WWOX: variants seen among roughly 807,000 people sequenced by gnomAD.
The protein encoded by WWOX is WW domain-containing oxidoreductase.
In WWOX, 69 loss-of-function variants were observed where a neutral mutation model predicts 46.2. That is an observed-to-expected ratio of 1.49 (90% CI 1.23 to 1.82). The LOEUF (loss-of-function observed/expected upper bound fraction) is 1.82. Among genes scored for constraint, WWOX ranks in the 40% most tolerant of loss-of-function variants. The pLI is 0.00. For synonymous variants in WWOX, 359 were observed against 202.6 expected, an observed-to-expected ratio of 1.77 and a Z score of -6.56; for missense variants, 919 against 542.6, an observed-to-expected ratio of 1.69 and a Z score of -6.89.
At chr16:78,170,163 T>C (rs1212597761) in intron 5 of WWOX, among the ~76,000 whole-genome samples, 3 of 152,158 alleles carry the variant, frequency 2.0e-5, no homozygotes, top group Non-Finnish European at 2.9e-5. Context: ...GCCAGATGTC[T>C]CTTGGGGGTG....
At chr16:78,716,925 G>T (rs994296188) in intron 8 of WWOX, among the ~76,000 whole-genome samples, 2 of 152,212 alleles carry the variant, frequency 1.3e-5, no homozygotes, top group South Asian at 2.1e-4. Flanking sequence ...TTTCAAAAGG[G>T]CATATCCTGC....
chr16:78,748,491 G>A (rs554990630), intron 8 of WWOX, among the ~76,000 whole-genome samples: 2 of 152,158 alleles, frequency 1.3e-5, no homozygotes, highest in South Asian at 2.1e-4. Flanking sequence ...TTCACCTTTC[G>A]GCTCCTTTCT....
chr16:78,873,413 T>G (rs1340745489), intron 8 of WWOX: 1 of 152,174 alleles, frequency 6.6e-6, no homozygotes, highest in African/African-American at 2.4e-5. Flanking sequence ...CACAAATATT[T>G]ACCATCTAGC....
At chr16:78,129,479 G>C (rs187071614) in intron 4 of WWOX, among the ~76,000 whole-genome samples, 19 of 152,266 alleles carry the variant, frequency 1.2e-4, no homozygotes, top group Admixed American at 3.3e-4. Flanking sequence ...AAAATACAGT[G>C]TTGTAATCTT....
chr16:78,715,565 C>T (rs1221804537), intron 8 of WWOX, among the ~76,000 whole-genome samples: 1 of 150,056 alleles, frequency 6.7e-6, no homozygotes, highest in African/African-American at 2.4e-5. Context: ...CTCATTGCAA[C>T]CTCCGCCTCT....
At chr16:78,478,704 A>G (rs1009766617) in intron 8 of WWOX, among the ~76,000 whole-genome samples, 1 of 152,224 alleles carries the variant, frequency 6.6e-6, no homozygotes, top group Admixed American at 6.5e-5. Flanking sequence ...GCAGGCTCCA[A>G]AGGTGCTTAA....
intron 8 of WWOX, among the ~76,000 whole-genome samples, chr16:78,728,466 A>G (rs1169382860): frequency 1.3e-5 from 2 of 152,176 alleles, no homozygotes; most frequent in Admixed American, 1.3e-4. Context: ...GGTTCCCTAG[A>G]AGACAGCCAG....
At chr16:78,500,622 T>A (rs1481188947) in intron 8 of WWOX, among the ~76,000 whole-genome samples, 1 of 152,198 alleles carries the variant, frequency 6.6e-6, no homozygotes, top group Non-Finnish European at 1.5e-5. Context: ...GATGACTCAT[T>A]ACAATTTATA....
chr16:78,615,716 GA>G (rs1466115167), intron 8 of WWOX, among the ~76,000 whole-genome samples: 3 of 151,336 alleles, frequency 2.0e-5, no homozygotes, highest in Non-Finnish European at 2.9e-5. Flanking sequence ...GAAAGAAAGG[GA>G]AGGAAGAAAT....
intron 8 of WWOX, among the ~76,000 whole-genome samples, chr16:78,875,223 A>T (rs2044211365): frequency 6.6e-6 from 1 of 152,100 alleles, no homozygotes; most frequent in Admixed American, 6.5e-5. Context: ...CTCAAATTTC[A>T]GTGTTGGATG....
At chr16:79,182,524 G>A (rs905009585) in intron 8 of WWOX, among the ~76,000 whole-genome samples, 4 of 151,952 alleles carry the variant, frequency 2.6e-5, no homozygotes, top group African/African-American at 9.7e-5. Context: ...TCAGAAGGAG[G>A]GAAAGTAATT....
chr16:78,733,378 C>T (rs567583956), intron 8 of WWOX, among the ~76,000 whole-genome samples: 4 of 152,082 alleles, frequency 2.6e-5, no homozygotes, highest in African/African-American at 9.6e-5. Context: ...TTGCTGGAGC[C>T]CAGGAGGTTG....
chr16:78,488,014 T>G (rs1006030816), intron 8 of WWOX, among the ~76,000 whole-genome samples: 1 of 152,176 alleles, frequency 6.6e-6, no homozygotes, highest in Admixed American at 6.5e-5. Flanking sequence ...ATGGGGCTTC[T>G]AAAATAAGTG....
chr16:78,609,606 A>C (rs1185623209), intron 8 of WWOX, among the ~76,000 whole-genome samples: 1 of 148,572 alleles, frequency 6.7e-6, no homozygotes, highest in East Asian at 2.0e-4. Flanking sequence ...CCCTGGCTTC[A>C]CCAGGCAGGC....
chr16:78,319,416 C>G (rs928867818), intron 5 of WWOX, among the ~76,000 whole-genome samples: 3 of 152,106 alleles, frequency 2.0e-5, no homozygotes, highest in Non-Finnish European at 4.4e-5. Flanking sequence ...TGTACCATCA[C>G]GCCCGGCTAA....
intron 4 of WWOX, among the ~76,000 whole-genome samples, chr16:78,133,339 C>A (rs966483596): frequency 1.3e-5 from 2 of 152,214 alleles, no homozygotes; most frequent in African/African-American, 4.8e-5. Flanking sequence ...CGGCTCAGTG[C>A]AAGGTCCACC....
Position 78,639,721 on chromosome 16 carries a change from G to A in WWOX, c.1056+206969G>A, listed in dbSNP as rs144607765. On this transcript the variant is annotated intron_variant, in intron 8 of 8. Coordinates refer to ENST00000566780, the MANE Select transcript of WWOX (RefSeq NM_016373.4). ...TGGGATTACAGGTGCCCGCCACCAC[G>A]CCCAGCTAATTTTTTGTCTTTTTTA... Among the ~76,000 whole-genome samples, 489 of 152,076 alleles carry A rather than the reference G, an allele frequency of 3.2e-3. 2 individuals are homozygous for A. The highest frequency in any genetic ancestry group is 0.012 in the South Asian group (59 of 4,812).
intron 8 of WWOX, among the ~76,000 whole-genome samples, chr16:79,171,903 A>G (rs762213021): frequency 2.6e-5 from 4 of 152,188 alleles, no homozygotes; most frequent in Non-Finnish European, 5.9e-5. Flanking sequence ...CCAGGAAGCT[A>G]ATTAGTGCAT....
intron 8 of WWOX, among the ~76,000 whole-genome samples, chr16:78,950,541 C>CAG (rs956628905): frequency 9.6e-5 from 13 of 134,998 alleles, no homozygotes; most frequent in Non-Finnish European, 1.9e-4. Context: ...CATACACACA[C>CAG]ACACACACAC....
Sources: gnomAD v4.1 joint callset for allele counts (sites outside exome capture counted in the v4.1 genomes callset) on GRCh38, gnomAD v4.1.1 for gene constraint, MANE v1.5 for transcripts, NCBI Gene and HGNC (gene_info 2026-07-23, HGNC 2026-07-21) for gene names.